Variants in NRXN3 observed in about 807,000 individuals in gnomAD.
NRXN3 encodes the protein neurexin III.
In NRXN3, 32 loss-of-function variants were observed where a neutral mutation model predicts 137.6. That is an observed-to-expected ratio of 0.23 (90% CI 0.18 to 0.31). The LOEUF (loss-of-function observed/expected upper bound fraction) is 0.31. Ranked by LOEUF, NRXN3 falls within the 10% of genes least tolerant of loss-of-function variation. The pLI is 1.00. For missense variants in NRXN3, 1,574 were observed against 2,062.5 expected (o/e 0.76, Z 4.59); for synonymous variants, 798 against 784.5 (o/e 1.02, Z -0.29).
intron 11 of NRXN3, among the ~76,000 whole-genome samples, chr14:78,960,049 G>T (rs544163739): frequency 1.3e-5 from 2 of 152,300 alleles, no homozygotes; most frequent in East Asian, 1.9e-4. Context: ...AAAGCTATTT[G>T]TAAATTGCAC....
intron 10 of NRXN3, among the ~76,000 whole-genome samples, chr14:78,882,352 T>C (rs2099131549): frequency 6.6e-6 from 1 of 151,614 alleles, no homozygotes; most frequent in South Asian, 2.1e-4. Flanking sequence ...CAGCTTGCAT[T>C]ATGTGGCTGG....
chr14:78,827,307 T>C (rs1326304799), intron 10 of NRXN3, among the ~76,000 whole-genome samples: 1 of 150,592 alleles, frequency 6.6e-6, no homozygotes, highest in Non-Finnish European at 1.5e-5. Context: ...ATTCCAGAAA[T>C]AATTACCTAT....
intron 15 of NRXN3, among the ~76,000 whole-genome samples, chr14:79,167,836 G>A (rs186349729): frequency 6.6e-6 from 1 of 151,434 alleles, no homozygotes; most frequent in African/African-American, 2.4e-5. Context: ...GCTTCAGCCA[G>A]CATTATCTGC....
intron 8 of NRXN3, among the ~76,000 whole-genome samples, chr14:78,734,562 T>C (rs553973130): frequency 1.3e-5 from 2 of 152,306 alleles, no homozygotes; most frequent in Non-Finnish European, 2.9e-5. Flanking sequence ...GAAAGACATT[T>C]ACCAAGTAAT....
At position 79,127,550 on chromosome 14, in the gene NRXN3, C is replaced by T. The variant is rs367705620; in HGVS notation, c.3262+139409C>T. ...ATTGATCTATAACTCTGTTTTGGTA[C>T]CAGTACCATGCTGTTTTGGTTACCT... is the stretch of plus-strand genomic sequence containing the variant. On this transcript the variant is annotated intron_variant, in intron 15 of 20. Coordinates refer to ENST00000335750, the MANE Select transcript of NRXN3 (RefSeq NM_001330195.2). 5.3e-5 allele frequency among the ~76,000 whole-genome samples: 8 copies of T among 152,278 alleles called. No homozygotes were observed. The South Asian group carries it at 1.0e-3, about 20-fold the overall frequency.
chr14:78,971,647 G>A (rs912334027), intron 14 of NRXN3, among the ~76,000 whole-genome samples: 6 of 152,092 alleles, frequency 3.9e-5, no homozygotes, highest in Non-Finnish European at 7.4e-5. Context: ...GAGTGAGTGA[G>A]TGAGTGAGAC....
At chr14:78,467,715 T>C (rs2095151078) in intron 4 of NRXN3, among the ~76,000 whole-genome samples, 3 of 152,226 alleles carry the variant, frequency 2.0e-5, no homozygotes, top group Non-Finnish European at 2.9e-5. Flanking sequence ...TGCATGCAAG[T>C]GCAAGCATTG....
chr14:78,204,843 G>A (rs1054051308), intron 1 of NRXN3, among the ~76,000 whole-genome samples: 2 of 152,180 alleles, frequency 1.3e-5, no homozygotes, highest in Non-Finnish European at 2.9e-5. Flanking sequence ...AAGTAACTGG[G>A]TTTTGGGTCA....
intron 8 of NRXN3, among the ~76,000 whole-genome samples, chr14:78,780,200 A>G (rs2098763880): frequency 6.6e-6 from 1 of 152,214 alleles, no homozygotes; most frequent in South Asian, 2.1e-4. Flanking sequence ...ATTGAAAATC[A>G]TTAGTTAATA....
chr14:79,351,484 C>G (rs1456723288), intron 15 of NRXN3, among the ~76,000 whole-genome samples: 1 of 152,036 alleles, frequency 6.6e-6, no homozygotes, highest in Non-Finnish European at 1.5e-5. Flanking sequence ...TTTATTGAAC[C>G]TTTTTATAAG....
In NRXN3 at chr14:79,752,042, TTG is replaced by T. The variant is rs575396304; in HGVS notation, c.4015-53066_4015-53065del. Among the ~76,000 whole-genome samples, 180 of 152,264 alleles carry T rather than the reference TTG, an allele frequency of 1.2e-3. 1 individual carries two copies. The highest frequency in any genetic ancestry group is 3.6e-3 in the African/African-American group (149 of 41,548). ...ATTGGTCTAAAATTCTCTTTTTTGG[TTG>T]TGTCTCTGTCCAGCTTTGGTATCAG... is the stretch of plus-strand genomic sequence containing the variant. On this transcript the variant is annotated intron_variant, in intron 19 of 20. Coordinates refer to ENST00000335750, the MANE Select transcript of NRXN3 (RefSeq NM_001330195.2).
intron 6 of NRXN3, among the ~76,000 whole-genome samples, chr14:78,674,174 G>A (rs910606825): frequency 1.3e-5 from 2 of 152,166 alleles, no homozygotes; most frequent in Non-Finnish European, 2.9e-5. Context: ...TAGGGCTTTT[G>A]TGTGTCTCTC....
intron 4 of NRXN3, among the ~76,000 whole-genome samples, chr14:78,435,514 T>G (rs2094033511): frequency 6.6e-6 from 1 of 152,198 alleles, no homozygotes; most frequent in Non-Finnish European, 1.5e-5. Context: ...TTCTGAAAGT[T>G]GGCAATTTTC....
chr14:79,418,595 T>C (rs2095531226), intron 15 of NRXN3, among the ~76,000 whole-genome samples: 1 of 152,172 alleles, frequency 6.6e-6, no homozygotes, highest in Admixed American at 6.5e-5. Flanking sequence ...AAGAAGCCTG[T>C]GCATCAACAC....
At chr14:78,815,479 CTTTTTT>C (rs61411777) in intron 10 of NRXN3, among the ~76,000 whole-genome samples, 12 of 84,436 alleles carry the variant, frequency 1.4e-4, no homozygotes, top group African/African-American at 4.6e-4. Flanking sequence ...TTGTTTCTTT[CTTTTTT>C]TTTTTTTTTT....
chr14:79,634,361 A>G (rs186992129), intron 16 of NRXN3, among the ~76,000 whole-genome samples: 1 of 152,292 alleles, frequency 6.6e-6, no homozygotes, highest in Admixed American at 6.5e-5. Context: ...CAACCTTTCC[A>G]ATAGCTTTTG....
chr14:79,127,248 C>T (rs2056675230), intron 15 of NRXN3, among the ~76,000 whole-genome samples: 1 of 152,158 alleles, frequency 6.6e-6, no homozygotes, highest in South Asian at 2.1e-4. Flanking sequence ...GAAGTCCTCA[C>T]CCATGCCTAT....
At chr14:78,557,226 T>C (rs2096747490) in intron 4 of NRXN3, among the ~76,000 whole-genome samples, 1 of 150,376 alleles carries the variant, frequency 6.6e-6, no homozygotes, top group South Asian at 2.1e-4. Flanking sequence ...TTTTCTATTT[T>C]TTTTTTTTTG....
chr14:79,806,889 A>G (rs1428549557), intron 20 of NRXN3, among the ~76,000 whole-genome samples: 1 of 142,424 alleles, frequency 7.0e-6, no homozygotes, highest in Non-Finnish European at 1.5e-5. Flanking sequence ...TACGTACATT[A>G]AATTAGCTTG....
Sources: allele counts gnomAD v4.1 joint callset (sites outside exome capture counted in the v4.1 genomes callset), GRCh38; gene constraint gnomAD v4.1.1; transcripts MANE v1.5; gene names NCBI Gene and HGNC (gene_info 2026-07-23, HGNC 2026-07-21).